The following STK32B variants were observed in gnomAD, a reference collection of about 807,000 sequenced individuals.
STK32B encodes the protein serine/threonine kinase 32B, also known as serine/threonine-protein kinase 32B.
A neutral mutation model predicts 52.6 loss-of-function variants in STK32B; 43 were observed. The ratio of observed to expected loss-of-function variants is 0.82; its 90% CI spans 0.64 to 1.05. STK32B has a LOEUF of 1.05. Ranked by LOEUF, STK32B falls within the 50% of genes least tolerant of loss-of-function variation. The pLI, the probability that STK32B is intolerant of heterozygous loss-of-function variation, is 0.00. For missense variants in STK32B, 621 were observed against 534.6 expected (o/e 1.16, Z -1.59); for synonymous variants, 238 against 204.3 (o/e 1.17, Z -1.41).
chr4:5,319,244 G>A (rs1229220795), intron 3 of STK32B, among the ~76,000 whole-genome samples: 1 of 152,134 alleles, frequency 6.6e-6, no homozygotes, highest in Non-Finnish European at 1.5e-5. Flanking sequence ...AGGATATGGG[G>A]CCCAGAACCT....
intron 6 of STK32B, among the ~76,000 whole-genome samples, chr4:5,420,165 T>C (rs906250829): frequency 5.9e-5 from 9 of 152,184 alleles, no homozygotes; most frequent in African/African-American, 2.2e-4. Flanking sequence ...CCCAGGTCAA[T>C]GTGACTCCAA....
rs1174577467 is a variant in STK32B at position 5,499,961 on chromosome 4, A to G, written c.*878A>G. On this transcript the variant is annotated 3_prime_UTR_variant, in exon 12 of 12. Transcript: ENST00000282908. ...GGGTTTTCTCTCCTGGGAAGGGTGT[A>G]AAATCAGCTTGTCAGATTCTTCTTA... 2 of 152,276 alleles carry G rather than the reference A, an allele frequency of 1.3e-5. No individual in the cohort carries two copies. The highest frequency in any genetic ancestry group is 4.8e-5 in the African/African-American group (2 of 41,468). 9.4% of individuals were successfully genotyped at this position (152,276 alleles called of 1,614,324 possible).
intron 3 of STK32B, among the ~76,000 whole-genome samples, chr4:5,180,682 A>G (rs989465249): frequency 7.9e-5 from 12 of 152,202 alleles, no homozygotes; most frequent in African/African-American, 1.9e-4. Flanking sequence ...TATTAATGAT[A>G]CATCAGCTTT....
chr4:5,102,605 C>T (rs550762426), intron 1 of STK32B, among the ~76,000 whole-genome samples: 2 of 151,294 alleles, frequency 1.3e-5, no homozygotes, highest in African/African-American at 4.9e-5. Context: ...GATCATGGCT[C>T]ACTGCAACCT....
chr4:5,322,259 A>G (rs1369766280), intron 3 of STK32B, among the ~76,000 whole-genome samples: 1 of 152,150 alleles, frequency 6.6e-6, no homozygotes, highest in African/African-American at 2.4e-5. Flanking sequence ...TTCCTCGTAC[A>G]ATATGAGCTG....
chr4:5,467,566 G>T lies in STK32B; in HGVS notation c.1042-440G>T, dbSNP rs894126438. Among the ~76,000 whole-genome samples, 8 of 152,038 alleles carry T rather than the reference G, an allele frequency of 5.3e-5. No individual in the cohort carries two copies. Among genetic ancestry groups the T allele is most frequent in the Admixed American group, 4.6e-4 (7 of 15,270 alleles). ...TGTAAAGGTTCTATTTCCAAATAACGTCATGTTTATAAGTACTGGGGGGCT... is the reference window on the plus strand; with the variant it reads ...TGTAAAGGTTCTATTTCCAAATAACTTCATGTTTATAAGTACTGGGGGGCT... On this transcript the variant is annotated intron_variant, in intron 10 of 11. Coordinates refer to ENST00000282908, the MANE Select transcript of STK32B (RefSeq NM_018401.3). The surrounding 1 kb of genome is among the most constrained non-coding windows in gnomAD (Gnocchi z 5.8).
the STK32B span, among the ~76,000 whole-genome samples, chr4:5,041,670 A>G: frequency 6.6e-6 from 1 of 152,178 alleles, no homozygotes; most frequent in African/African-American, 2.4e-5. Flanking sequence ...ACTCTTAACA[A>G]TAAAAGACTG....
At chr4:5,443,526 C>T (rs1424483770) in intron 6 of STK32B, among the ~76,000 whole-genome samples, 3 of 152,034 alleles carry the variant, frequency 2.0e-5, no homozygotes, top group East Asian at 1.9e-4. Context: ...TCAAAGTTTT[C>T]AACTTCTTTG....
At chr4:5,042,936 C>T in the STK32B span, among the ~76,000 whole-genome samples, 1 of 151,344 alleles carries the variant, frequency 6.6e-6, no homozygotes, top group Admixed American at 6.6e-5. Context: ...GAAACCCCGT[C>T]TCTACTAAAA....
intron 1 of STK32B, among the ~76,000 whole-genome samples, chr4:5,124,810 A>G (rs1054981875): frequency 6.6e-6 from 1 of 152,186 alleles, no homozygotes; most frequent in Non-Finnish European, 1.5e-5. Context: ...CATAACAAAG[A>G]ATTCGTCACC....
intron 1 of STK32B, among the ~76,000 whole-genome samples, chr4:5,080,027 T>G (rs1345225854): frequency 7.1e-6 from 1 of 140,536 alleles, no homozygotes; most frequent in Non-Finnish European, 1.5e-5. Context: ...CAAACCGTTC[T>G]GGAGACCTAA....
intron 3 of STK32B, among the ~76,000 whole-genome samples, chr4:5,179,194 G>A (rs115283734): frequency 0.01 from 1,524 of 152,318 alleles, 27 homozygotes; most frequent in African/African-American, 0.035. Flanking sequence ...TGCCAGTGGG[G>A]AAAATGCCAG....
chr4:5,325,495 T>C (rs1503305), intron 3 of STK32B, among the ~76,000 whole-genome samples: 46,186 of 151,996 alleles, frequency 0.3, 10,948 homozygotes, highest in African/African-American at 0.65. Context: ...TTCTTGGATT[T>C]CTTTTTTATT....
chr4:5,338,220 G>A (rs1732833458), intron 4 of STK32B, among the ~76,000 whole-genome samples: 1 of 144,684 alleles, frequency 6.9e-6, no homozygotes, highest in East Asian at 2.2e-4. Flanking sequence ...ATATAACTTT[G>A]ATACAAATAA....
chr4:5,176,193 G>A (rs1254417685), intron 3 of STK32B, among the ~76,000 whole-genome samples: 6 of 152,110 alleles, frequency 3.9e-5, no homozygotes, highest in South Asian at 4.1e-4. Context: ...TCCAGGTGCC[G>A]GCTGTTACCC....
intron 4 of STK32B, among the ~76,000 whole-genome samples, chr4:5,362,151 G>A (rs929448329): frequency 6.6e-6 from 1 of 152,148 alleles, no homozygotes; most frequent in African/African-American, 2.4e-5. Context: ...TGTATGTTGG[G>A]AGCGAGGAAC....
At chr4:5,261,296 A>T (rs1288595180) in intron 3 of STK32B, among the ~76,000 whole-genome samples, 3 of 152,192 alleles carry the variant, frequency 2.0e-5, no homozygotes, top group Non-Finnish European at 4.4e-5. Context: ...CATGGAAAAT[A>T]TATGCATCCA....
intron 3 of STK32B, among the ~76,000 whole-genome samples, chr4:5,251,709 A>C (rs1202743046): frequency 6.6e-6 from 1 of 152,208 alleles, no homozygotes; most frequent in Non-Finnish European, 1.5e-5. Context: ...ATCCATGAGC[A>C]TGGAATATTT....
intron 4 of STK32B, among the ~76,000 whole-genome samples, chr4:5,388,086 C>T (rs1482827316): frequency 2.0e-5 from 3 of 152,184 alleles, no homozygotes; most frequent in Non-Finnish European, 2.9e-5. Context: ...GAAGTCGCTT[C>T]ACCTCTCCAG....
Sources: allele counts gnomAD v4.1 joint callset (sites outside exome capture counted in the v4.1 genomes callset), GRCh38; gene constraint gnomAD v4.1.1; non-coding constraint Gnocchi (gnomAD v3.1); transcripts MANE v1.5; gene names NCBI Gene and HGNC (gene_info 2026-07-23, HGNC 2026-07-21).